Variants in BANP observed in about 807,000 individuals in gnomAD.
BANP encodes the protein protein BANP.
Under a neutral mutation model 68.1 loss-of-function variants are expected in BANP, and 11 were observed. The ratio of observed to expected loss-of-function variants is 0.16; its 90% CI spans 0.10 to 0.27. BANP has a LOEUF of 0.27. Among genes scored for constraint, BANP ranks in the 10% least tolerant of loss-of-function variants. The pLI, the probability that BANP is intolerant of heterozygous loss-of-function variation, is 1.00. For synonymous variants in BANP, 329 were observed against 303.2 expected (o/e 1.09, Z -0.88); for missense variants, 504 against 722.7 (o/e 0.70, Z 3.47).
chr16:88,067,837 A>G (rs1295228849), intron 12 of BANP, among the ~76,000 whole-genome samples: 4 of 152,278 alleles, frequency 2.6e-5, no homozygotes, highest in South Asian at 2.1e-4. Flanking sequence ...TTGTTCCTGC[A>G]TGGTTACACC....
At chr16:87,982,945 G>A (rs1397503911) in intron 3 of BANP, among the ~76,000 whole-genome samples, 1 of 152,186 alleles carries the variant, frequency 6.6e-6, no homozygotes, top group Non-Finnish European at 1.5e-5. Flanking sequence ...AAGCCGTTCC[G>A]GCTCCAATGT....
chr16:88,069,564 G>A (rs2089768244), intron 12 of BANP, among the ~76,000 whole-genome samples: 1 of 152,142 alleles, frequency 6.6e-6, no homozygotes, highest in Admixed American at 6.5e-5. Context: ...CGGGGACCCA[G>A]GTGCTTCCTG....
chr16:87,953,908 A>G (rs1231932171), intron 1 of BANP, among the ~76,000 whole-genome samples: 3 of 152,168 alleles, frequency 2.0e-5, no homozygotes, highest in Non-Finnish European at 4.4e-5. Flanking sequence ...ACCTCTGGCA[A>G]GTGCTCTTCC....
intron 13 of BANP, among the ~76,000 whole-genome samples, chr16:88,076,152 G>A (rs1053535238): frequency 2.0e-5 from 3 of 152,222 alleles, no homozygotes; most frequent in Non-Finnish European, 4.4e-5. Context: ...AATCATAGCT[G>A]CCCCGAAAAT....
chr16:88,013,419 C>T (rs1311722562), intron 6 of BANP, among the ~76,000 whole-genome samples: 1 of 148,934 alleles, frequency 6.7e-6, no homozygotes, highest in Non-Finnish European at 1.5e-5. Flanking sequence ...CCGCACCCAT[C>T]AGAGCTCAGC....
At chr16:88,045,317 A>C (rs1652377418) in intron 11 of BANP, among the ~76,000 whole-genome samples, 1 of 152,222 alleles carries the variant, frequency 6.6e-6, no homozygotes, top group Non-Finnish European at 1.5e-5. Flanking sequence ...TGTTTGCCGC[A>C]GCTGTCCATG....
At chr16:88,062,933 G>C (rs917497367) in intron 11 of BANP, among the ~76,000 whole-genome samples, 1 of 152,200 alleles carries the variant, frequency 6.6e-6, no homozygotes, top group Non-Finnish European at 1.5e-5. Flanking sequence ...ATCTTGGGGC[G>C]TGCAGCGCTC....
At chr16:88,033,585 C>T (rs916182652) in intron 9 of BANP, among the ~76,000 whole-genome samples, 2 of 152,192 alleles carry the variant, frequency 1.3e-5, no homozygotes, top group Non-Finnish European at 2.9e-5. Context: ...TGGGAAACAT[C>T]GGAAATATTT....
At chr16:88,037,766 G>T in intron 10 of BANP, 3 of 600,968 alleles carry the variant, frequency 5.0e-6, no homozygotes, top group Admixed American at 3.0e-5. Flanking sequence ...TGAGTTGTTT[G>T]TTCATCTTTA....
intron 3 of BANP, among the ~76,000 whole-genome samples, chr16:87,981,934 GA>G (rs2063353891): frequency 1.3e-5 from 2 of 152,254 alleles, no homozygotes; most frequent in Non-Finnish European, 2.9e-5. Context: ...GCACATGTGA[GA>G]AGGTTATGAG....
At chr16:87,965,571 G>A (rs374176048) in intron 1 of BANP, among the ~76,000 whole-genome samples, 12 of 147,790 alleles carry the variant, frequency 8.1e-5, no homozygotes, top group East Asian at 6.2e-4. Context: ...AGCCCGAGGC[G>A]CAGAGGGTCC....
In BANP at chr16:88,027,572, C is replaced by T. The variant is rs1411104336; in HGVS notation, c.985C>T (p.Arg329Cys). 1.2e-6 allele frequency: 2 copies of T among 1,613,720 alleles called. No homozygotes were observed. Among genetic ancestry groups the T allele is most frequent in the Non-Finnish European group, 8.5e-7 (1 of 1,179,828 alleles). The change falls in exon 8 of 14, where the codon CGC becomes TGC. Residue 329 changes from arginine (R) to cysteine (C), a missense_variant. Coordinates refer to ENST00000682872, the MANE Select transcript of BANP (RefSeq NM_001386991.1). The part of the protein sequence containing the change: ...IDSKCRTAWR[R>C]KQRGQSLAVK... ...CTCCAAGTGCCGCACGGCGTGGCGGCGCAAGCAGCGGGGCCAGAGCCTGGC... is the reference window on the plus strand; with the variant it reads ...CTCCAAGTGCCGCACGGCGTGGCGGTGCAAGCAGCGGGGCCAGAGCCTGGC...
intron 1 of BANP, among the ~76,000 whole-genome samples, chr16:87,969,685 G>A (rs1161617313): frequency 2.7e-5 from 4 of 149,408 alleles, no homozygotes; most frequent in Admixed American, 6.7e-5. Context: ...GGCACGCGCC[G>A]CCATCCCCGT....
In BANP at chr16:88,018,338, C is replaced by G; in HGVS notation, c.656-90C>G. 6.7e-7 allele frequency: 1 copy of G among 1,491,424 alleles called. No homozygotes were observed. The highest frequency in any genetic ancestry group is 9.1e-7 in the Non-Finnish European group (1 of 1,104,044). 92.4% of individuals were successfully genotyped at this position (1,491,424 alleles called of 1,614,324 possible). A position where few individuals can be genotyped will look rare whatever the true frequency, so the allele number is the denominator to read the frequency against. ...GCCCAGCCCTGCGTGGAGCATCTTT[C>G]CCGACTGTGCCTGAGCAGAGCGCTC... On this transcript the variant is annotated intron_variant, in intron 6 of 13. Coordinates refer to ENST00000682872, the MANE Select transcript of BANP (RefSeq NM_001386991.1). The surrounding 1 kb of genome is among the most constrained non-coding windows in gnomAD (Gnocchi z 7.7).
At chr16:88,034,629 C>T (rs1253405036) in intron 9 of BANP, among the ~76,000 whole-genome samples, 1 of 151,986 alleles carries the variant, frequency 6.6e-6, no homozygotes, top group African/African-American at 2.4e-5. Flanking sequence ...TCCCAGTATC[C>T]CCAGAGAGCT....
chr16:88,043,781 A>G (rs1291391636), intron 11 of BANP, among the ~76,000 whole-genome samples: 1 of 152,164 alleles, frequency 6.6e-6, no homozygotes, highest in Non-Finnish European at 1.5e-5. Flanking sequence ...CGGTGCCAGG[A>G]GTGTAAAATA....
intron 6 of BANP, among the ~76,000 whole-genome samples, chr16:88,012,835 C>G (rs2073513489): frequency 6.6e-6 from 1 of 151,924 alleles, no homozygotes; most frequent in African/African-American, 2.4e-5. Context: ...TAATTCCTTT[C>G]TATAGACGGC....
chr16:88,014,164 C>G (rs1458291702), intron 6 of BANP, among the ~76,000 whole-genome samples: 5 of 152,184 alleles, frequency 3.3e-5, no homozygotes, highest in Non-Finnish European at 7.3e-5. Context: ...TGGACGAGGC[C>G]ACTGGTTGTG....
At chr16:88,050,355 C>T (rs1459658065) in intron 11 of BANP, among the ~76,000 whole-genome samples, 1 of 152,110 alleles carries the variant, frequency 6.6e-6, no homozygotes, top group Non-Finnish European at 1.5e-5. Flanking sequence ...CAGGATTTTG[C>T]CATGTTGCCA....
Sources: gnomAD v4.1 joint callset for allele counts (sites outside exome capture counted in the v4.1 genomes callset) on GRCh38, gnomAD v4.1.1 for gene constraint, Gnocchi (gnomAD v3.1) non-coding constraint, MANE v1.5 for transcripts, NCBI Gene and HGNC (gene_info 2026-07-23, HGNC 2026-07-21) for gene names.